The following ENOX1 variants were observed in gnomAD, a reference collection of about 807,000 sequenced individuals.
ENOX1 encodes the protein candidate growth-related and time keeping constitutive hydroquinone (NADH) oxidase.
A neutral mutation model predicts 82.5 loss-of-function variants in ENOX1; 42 were observed. The ratio of observed to expected loss-of-function variants is 0.51; its 90% CI spans 0.40 to 0.66. The LOEUF (loss-of-function observed/expected upper bound fraction) is 0.66, where lower values mean the gene tolerates loss of function less well. Among genes scored for constraint, ENOX1 ranks in the 30% least tolerant of loss-of-function variants. ENOX1 has a pLI of 0.00. For missense variants in ENOX1, 608 were observed against 811.6 expected, an observed-to-expected ratio of 0.75 and a Z score of 3.05; for synonymous variants, 271 against 282.2, an observed-to-expected ratio of 0.96 and a Z score of 0.40.
intron 8 of ENOX1, among the ~76,000 whole-genome samples, chr13:43,350,741 G>T (rs941066379): frequency 1.3e-5 from 2 of 152,152 alleles, no homozygotes; most frequent in Non-Finnish European, 2.9e-5. Flanking sequence ...CACTACGCCC[G>T]GCTGGTGTTT....
intron 2 of ENOX1, among the ~76,000 whole-genome samples, chr13:43,565,637 TAA>T (rs958439651): frequency 6.6e-6 from 1 of 152,188 alleles, no homozygotes; most frequent in African/African-American, 2.4e-5. Flanking sequence ...GAATTTCAGT[TAA>T]GTTTAGTTAA....
chr13:43,617,999 T>G (rs187384339), intron 2 of ENOX1, among the ~76,000 whole-genome samples: 2 of 152,338 alleles, frequency 1.3e-5, no homozygotes, highest in African/African-American at 4.8e-5. Context: ...TGTTAGGCAT[T>G]TTTTCATGTT....
At chr13:43,551,889 C>T (rs2079212240) in intron 2 of ENOX1, among the ~76,000 whole-genome samples, 2 of 152,070 alleles carry the variant, frequency 1.3e-5, no homozygotes, top group East Asian at 1.9e-4. Context: ...ATAATCTTTA[C>T]GCAGGCCTTA....
intron 9 of ENOX1, among the ~76,000 whole-genome samples, chr13:43,338,612 C>G (rs960634760): frequency 6.8e-6 from 1 of 148,112 alleles, no homozygotes; most frequent in Non-Finnish European, 1.5e-5. Context: ...CATCCATGGT[C>G]AGAAGAGAAA....
At chr13:43,693,084 T>C (rs2086452554) in intron 1 of ENOX1, among the ~76,000 whole-genome samples, 1 of 152,110 alleles carries the variant, frequency 6.6e-6, no homozygotes, top group South Asian at 2.1e-4. Flanking sequence ...TGTTTTTAAA[T>C]AGGTGTGCTT....
intron 13 of ENOX1, among the ~76,000 whole-genome samples, chr13:43,267,438 T>C (rs2153480102): frequency 6.6e-6 from 1 of 152,352 alleles, no homozygotes; most frequent in Middle Eastern, 3.4e-3. Flanking sequence ...GGGAAAGGTC[T>C]GCCCTCAGGA....
chr13:43,776,720 G>A (rs1292289267), intron 1 of ENOX1, among the ~76,000 whole-genome samples: 1 of 151,962 alleles, frequency 6.6e-6, no homozygotes, highest in Non-Finnish European at 1.5e-5. Flanking sequence ...GAATCTGTGG[G>A]ACAAAGTCAC....
At position 43,556,180 on chromosome 13, in the gene ENOX1, C is replaced by A. The variant is rs185367051; in HGVS notation, c.-218-72028G>T. Among the ~76,000 whole-genome samples the A allele has an allele frequency of 3.3e-5, 5 of 151,626 alleles. No individual in the cohort carries two copies. In the East Asian group the frequency reaches 9.7e-4, roughly 29 times the overall value. ...TTAATCGCTCCCATTCTCTTTGATG[C>A]TTCCAGGAAAACAAGCAAGCAACTA... On this transcript the variant is annotated intron_variant, in intron 2 of 16. Coordinates refer to ENST00000690772, the MANE Select transcript of ENOX1 (RefSeq NM_001347969.2).
chr13:43,581,597 A>G (rs1435323433), intron 2 of ENOX1, among the ~76,000 whole-genome samples: 3 of 152,230 alleles, frequency 2.0e-5, no homozygotes, highest in Non-Finnish European at 2.9e-5. Context: ...GACACAAAAA[A>G]GTTTTAAAAA....
chr13:43,288,398 G>T (rs1398702481), intron 12 of ENOX1, among the ~76,000 whole-genome samples: 1 of 152,140 alleles, frequency 6.6e-6, no homozygotes, highest in Non-Finnish European at 1.5e-5. Context: ...GGTTGTCGAA[G>T]AATCAGATAA....
intron 1 of ENOX1, among the ~76,000 whole-genome samples, chr13:43,682,156 G>C (rs2085822743): frequency 6.6e-6 from 1 of 152,062 alleles, no homozygotes; most frequent in African/African-American, 2.4e-5. Context: ...TCTGGATAAA[G>C]CAAACATTTT....
chr13:43,668,420 T>C (rs1217158629), intron 1 of ENOX1, among the ~76,000 whole-genome samples: 1 of 152,218 alleles, frequency 6.6e-6, no homozygotes, highest in African/African-American at 2.4e-5. Context: ...TCCTCTATTA[T>C]AATTGCACGA....
At chr13:43,656,169 T>C (rs1253473775) in intron 2 of ENOX1, among the ~76,000 whole-genome samples, 3 of 152,226 alleles carry the variant, frequency 2.0e-5, no homozygotes, top group Non-Finnish European at 4.4e-5. Context: ...ATGTTACATA[T>C]AGTTATGGAT....
chr13:43,322,415 G>A lies in ENOX1; in HGVS notation c.1230C>T (p.Ser410=), dbSNP rs2153527252. ...CATCGACTCTCATTTTCTTTGTAGGGCTGTCACAGTTCTCATCATCAGACA... is the reference window on the plus strand; with the variant it reads ...CATCGACTCTCATTTTCTTTGTAGGACTGTCACAGTTCTCATCATCAGACA... The part of the protein sequence containing the change: ...MEMSDDENCD[S]PTKKMRVDES... Residue 410 remains serine, a synonymous_variant, in exon 11 of 17, where the codon AGC becomes AGT. Coordinates refer to ENST00000690772, the MANE Select transcript of ENOX1 (RefSeq NM_001347969.2). 6.2e-7 allele frequency: 1 copy of A among 1,613,978 alleles called. No homozygotes were observed. The highest frequency in any genetic ancestry group is 8.5e-7 in the Non-Finnish European group (1 of 1,179,912).
intron 16 of ENOX1, among the ~76,000 whole-genome samples, chr13:43,219,258 T>C (rs755082026): frequency 6.6e-6 from 1 of 152,184 alleles, no homozygotes; most frequent in Non-Finnish European, 1.5e-5. Flanking sequence ...GAGTGACGCA[T>C]TCCCTCACTC....
At chr13:43,429,520 C>A (rs2146675) in intron 3 of ENOX1, among the ~76,000 whole-genome samples, 57,713 of 151,912 alleles carry the variant, frequency 0.38, 11,689 homozygotes, top group South Asian at 0.47. Context: ...GACTGGGATT[C>A]GGCATAAGCA....
chr13:43,597,991 C>T (rs1197792493), intron 2 of ENOX1, among the ~76,000 whole-genome samples: 1 of 152,132 alleles, frequency 6.6e-6, no homozygotes, highest in Non-Finnish European at 1.5e-5. Flanking sequence ...TCCAGCATGC[C>T]CTATTCTCCC....
At chr13:43,654,482 G>A (rs1227402994) in intron 2 of ENOX1, among the ~76,000 whole-genome samples, 1 of 152,182 alleles carries the variant, frequency 6.6e-6, no homozygotes. Context: ...CACTGATACA[G>A]GATTCAAAGG....
At chr13:43,250,652 A>T (rs2043399332) in intron 14 of ENOX1, among the ~76,000 whole-genome samples, 1 of 152,172 alleles carries the variant, frequency 6.6e-6, no homozygotes, top group South Asian at 2.1e-4. Flanking sequence ...AATTTGATTG[A>T]ATTTATTGAG....
Sources: gnomAD v4.1 joint callset for allele counts (sites outside exome capture counted in the v4.1 genomes callset) on GRCh38, gnomAD v4.1.1 for gene constraint, MANE v1.5 for transcripts, NCBI Gene and HGNC (gene_info 2026-07-23, HGNC 2026-07-21) for gene names.